Variants in HSPBAP1 observed in about 807,000 individuals in gnomAD.
The protein encoded by HSPBAP1 is HSPB1-associated protein 1.
HSPBAP1 carries 27 observed loss-of-function variants against 45.2 expected under a neutral mutation model. The observed-to-expected ratio is 0.60, with a 90% CI of 0.44 to 0.82. The LOEUF is 0.82. Among genes scored for constraint, HSPBAP1 ranks in the 40% least tolerant of loss-of-function variants. The pLI, the probability that HSPBAP1 is intolerant of heterozygous loss-of-function variation, is 0.00. For missense variants in HSPBAP1, 510 were observed against 590.9 expected (o/e 0.86, Z 1.42); for synonymous variants, 204 against 202.7 (o/e 1.01, Z -0.06).
chr3:122,780,739 G>A (rs1433963153), intron 1 of HSPBAP1, among the ~76,000 whole-genome samples: 10 of 146,506 alleles, frequency 6.8e-5, no homozygotes, highest in South Asian at 2.2e-4. Flanking sequence ...CCGGGCGGAG[G>A]GGCTCCTCAC....
At chr3:122,771,824 A>T (rs1457050500) in intron 2 of HSPBAP1, among the ~76,000 whole-genome samples, 1 of 152,254 alleles carries the variant, frequency 6.6e-6, no homozygotes, top group African/African-American at 2.4e-5. Flanking sequence ...TTCTATTTCA[A>T]GTATTCTAGA....
chr3:122,773,600 G>GC (rs781688733), intron 2 of HSPBAP1, among the ~76,000 whole-genome samples: 5 of 152,002 alleles, frequency 3.3e-5, no homozygotes, highest in African/African-American at 4.8e-5. Context: ...ACAGGCATGA[G>GC]CCACTGTGCC....
chr3:122,774,873 C>T (rs1034744904), intron 2 of HSPBAP1, among the ~76,000 whole-genome samples: 1 of 152,204 alleles, frequency 6.6e-6, no homozygotes, highest in African/African-American at 2.4e-5. Flanking sequence ...AGTGTTGCTA[C>T]TGATGATAAT....
chr3:122,790,537 C>T (rs1935793322), intron 1 of HSPBAP1, among the ~76,000 whole-genome samples: 1 of 152,182 alleles, frequency 6.6e-6, no homozygotes, highest in Non-Finnish European at 1.5e-5. Context: ...ATGTCTTATA[C>T]TACTGTTCTT....
At chr3:122,750,948 T>G (rs141597104) in intron 6 of HSPBAP1, among the ~76,000 whole-genome samples, 135 of 152,286 alleles carry the variant, frequency 8.9e-4, no homozygotes, top group African/African-American at 3.2e-3. Context: ...GATTTAGAAT[T>G]AAAATCAGCT....
intron 3 of HSPBAP1, among the ~76,000 whole-genome samples, chr3:122,762,662 A>C (rs1169791013): frequency 1.3e-5 from 2 of 152,252 alleles, no homozygotes; most frequent in Middle Eastern, 3.4e-3. Flanking sequence ...GTTTAATTTC[A>C]AATTTTTGGG....
intron 6 of HSPBAP1, among the ~76,000 whole-genome samples, chr3:122,747,041 A>C (rs1468734455): frequency 6.6e-6 from 1 of 152,080 alleles, no homozygotes; most frequent in Non-Finnish European, 1.5e-5. Context: ...GGCCTCCCAA[A>C]GTGCCGAGAT....
intron 5 of HSPBAP1, chr3:122,754,617 G>A: frequency 1.0e-6 from 1 of 984,042 alleles, no homozygotes; most frequent in Non-Finnish European, 1.2e-6. Flanking sequence ...CAAGGGAGAG[G>A]GATAATCGAG....
chr3:122,752,851 CT>C (rs2107505932), intron 5 of HSPBAP1, 177 bp from the exon 6 acceptor site: 3 of 1,369,968 alleles, frequency 2.2e-6, no homozygotes, highest in Non-Finnish European at 9.4e-7. Flanking sequence ...CCTTTTATTC[CT>C]TTTTTATTGA....
chr3:122,787,252 C>CA (rs2107543706), intron 1 of HSPBAP1, among the ~76,000 whole-genome samples: 1 of 152,258 alleles, frequency 6.6e-6, no homozygotes, highest in South Asian at 2.1e-4. Flanking sequence ...GAAACATCAT[C>CA]AAAAATAAAT....
chr3:122,772,053 TGTAACAG>T (rs1325789066), intron 2 of HSPBAP1, among the ~76,000 whole-genome samples: 3 of 152,198 alleles, frequency 2.0e-5, no homozygotes, highest in Admixed American at 2.0e-4. Context: ...GTTAGAAAAC[TGTAACAG>T]GCAAAAATAT....
At chr3:122,747,416 C>G (rs1933921447) in intron 6 of HSPBAP1, among the ~76,000 whole-genome samples, 1 of 151,628 alleles carries the variant, frequency 6.6e-6, no homozygotes, top group Non-Finnish European at 1.5e-5. Flanking sequence ...GCCCCTCCGC[C>G]CGGCAACCAC....
chr3:122,768,604 A>C, intron 3 of HSPBAP1, 97 bp downstream of exon 3: 1 of 766,954 alleles, frequency 1.3e-6, no homozygotes, highest in South Asian at 1.8e-5. Flanking sequence ...ATTACTTATG[A>C]GAGAAAAAGG....
chr3:122,774,159 G>A (rs1445151405), intron 2 of HSPBAP1, among the ~76,000 whole-genome samples: 2 of 152,220 alleles, frequency 1.3e-5, no homozygotes, highest in African/African-American at 4.8e-5. Context: ...ACCTTCTTGA[G>A]GGGAAGAGAC....
intron 2 of HSPBAP1, among the ~76,000 whole-genome samples, chr3:122,772,977 T>C (rs1935054042): frequency 6.6e-6 from 1 of 151,954 alleles, no homozygotes; most frequent in Non-Finnish European, 1.5e-5. Flanking sequence ...GCTTCCTGAG[T>C]AGCTAAGACT....
chr3:122,742,519 G>A (rs1343255515), intron 6 of HSPBAP1, among the ~76,000 whole-genome samples: 1 of 152,194 alleles, frequency 6.6e-6, no homozygotes. Context: ...GTTAAACACA[G>A]AGTTACCATA....
At chr3:122,762,935 C>A (rs1576252666) in intron 3 of HSPBAP1, among the ~76,000 whole-genome samples, 1 of 152,158 alleles carries the variant, frequency 6.6e-6, no homozygotes, top group African/African-American at 2.4e-5. Context: ...TTTGTTTTAC[C>A]CATTATAGAG....
At chr3:122,756,142 T>C (rs1934348113) in intron 4 of HSPBAP1, among the ~76,000 whole-genome samples, 1 of 151,528 alleles carries the variant, frequency 6.6e-6, no homozygotes, top group African/African-American at 2.4e-5. Flanking sequence ...GAGAAAAAAA[T>C]GAGACCCAGA....
chr3:122,778,153 TG>T (rs1490486044), intron 1 of HSPBAP1, among the ~76,000 whole-genome samples: 1 of 151,980 alleles, frequency 6.6e-6, no homozygotes, highest in Non-Finnish European at 1.5e-5. Flanking sequence ...TGCCAAGATT[TG>T]GGTTTCTATT....
Sources: allele counts gnomAD v4.1 joint callset (sites outside exome capture counted in the v4.1 genomes callset), GRCh38; gene constraint gnomAD v4.1.1; transcripts MANE v1.5; gene names NCBI Gene and HGNC (gene_info 2026-07-23, HGNC 2026-07-21).